Variants in IL1RAPL1 observed in about 807,000 individuals in gnomAD.
IL1RAPL1 encodes the protein interleukin-1 receptor accessory protein-like 1.
Under a neutral mutation model 48.4 loss-of-function variants are expected in IL1RAPL1, and 3 were observed. That is an observed-to-expected ratio of 0.06 (90% CI 0.03 to 0.16). The LOEUF is 0.16. Among genes scored for constraint, IL1RAPL1 ranks in the 10% least tolerant of loss-of-function variants. IL1RAPL1 has a pLI of 1.00. For missense variants in IL1RAPL1, 349 were observed against 530.6 expected (o/e 0.66, Z 3.36); for synonymous variants, 185 against 187.7 (o/e 0.99, Z 0.12).
At chrX:29,615,113 T>C (rs777378212) in intron 5 of IL1RAPL1, among the ~76,000 whole-genome samples, 25 of 112,264 alleles carry the variant, frequency 2.2e-4, no homozygotes, top group Non-Finnish European at 4.5e-4. Context: ...AGATTACAGT[T>C]TATTGTTTAA....
intron 6 of IL1RAPL1, among the ~76,000 whole-genome samples, chrX:29,683,385 G>A (rs1050195654): frequency 8.9e-6 from 1 of 112,180 alleles, no homozygotes; most frequent in African/African-American, 3.2e-5. Context: ...GTCAGCTCTC[G>A]TTCTAATGAG....
intron 2 of IL1RAPL1, among the ~76,000 whole-genome samples, chrX:28,903,207 ACTCCTG>A (rs1198731531): frequency 9.2e-6 from 1 of 109,101 alleles, no homozygotes; most frequent in Non-Finnish European, 1.9e-5. Context: ...GCAACCTCTG[ACTCCTG>A]GGTTCAAGTG....
At chrX:28,949,449 G>A (rs769814279) in intron 2 of IL1RAPL1, among the ~76,000 whole-genome samples, 18 of 111,278 alleles carry the variant, frequency 1.6e-4, no homozygotes, top group Middle Eastern at 4.6e-3. Flanking sequence ...TTATTGGAAC[G>A]CAGATATTGG....
chrX:29,101,577 G>A (rs770896975), intron 2 of IL1RAPL1, among the ~76,000 whole-genome samples: 3 of 111,698 alleles, frequency 2.7e-5, no homozygotes, highest in African/African-American at 9.7e-5. Flanking sequence ...CAATATCCCA[G>A]ATAAACATTG....
intron 6 of IL1RAPL1, among the ~76,000 whole-genome samples, chrX:29,830,887 G>T (rs1930860476): frequency 9.0e-6 from 1 of 111,560 alleles, no homozygotes; most frequent in Non-Finnish European, 1.9e-5. Context: ...GTGTTTAAAG[G>T]AGTTTCAGGC....
chrX:29,742,507 T>C (rs1928230340), intron 6 of IL1RAPL1, among the ~76,000 whole-genome samples: 1 of 110,157 alleles, frequency 9.1e-6, no homozygotes, highest in Admixed American at 9.7e-5. Flanking sequence ...CTGCTGACTG[T>C]TTTCTGCTGA....
At chrX:28,725,248 C>T (rs1273524999) in intron 1 of IL1RAPL1, among the ~76,000 whole-genome samples, 1 of 110,923 alleles carries the variant, frequency 9.0e-6, no homozygotes, top group East Asian at 2.9e-4. Context: ...CCATGCCTGG[C>T]CCTTGGTGTG....
chrX:29,000,845 T>TC (rs1925834663), intron 2 of IL1RAPL1, among the ~76,000 whole-genome samples: 1 of 109,591 alleles, frequency 9.1e-6, no homozygotes, highest in South Asian at 3.9e-4. Flanking sequence ...TTTTTTTTTT[T>TC]CCAAAAAGGA....
chrX:29,284,911 G>A (rs1003157741), intron 3 of IL1RAPL1, among the ~76,000 whole-genome samples: 6 of 111,790 alleles, frequency 5.4e-5, no homozygotes, highest in African/African-American at 1.6e-4. Flanking sequence ...AAAGAATACT[G>A]TTTGGACTAG....
Position 28,954,525 on chromosome X carries a change from C to T in IL1RAPL1, c.82+165100C>T, listed in dbSNP as rs771077083. ...ACACAATCTCATTGTCACTTCCCCACAAAATTAAAGGAAAAGCTCTCTAAA... is the reference window on the plus strand; with the variant it reads ...ACACAATCTCATTGTCACTTCCCCATAAAATTAAAGGAAAAGCTCTCTAAA... On this transcript the variant is annotated intron_variant, in intron 2 of 10. Transcript: ENST00000378993. 2.7e-5 allele frequency among the ~76,000 whole-genome samples: 3 copies of T among 110,118 alleles called. No homozygotes were observed. The South Asian group carries it at 1.2e-3, about 43-fold the overall frequency.
intron 8 of IL1RAPL1, among the ~76,000 whole-genome samples, chrX:29,927,752 C>T (rs941419108): frequency 1.8e-5 from 2 of 111,547 alleles, no homozygotes; most frequent in African/African-American, 3.3e-5. Flanking sequence ...ATGGTGAACA[C>T]GAAATACTGC....
In IL1RAPL1 at chrX:29,689,184, G is replaced by A. The variant is rs769773513; in HGVS notation, c.778+20680G>A. Among the ~76,000 whole-genome samples, 10 of 111,436 alleles carry A rather than the reference G, an allele frequency of 9.0e-5. No homozygotes were observed. The South Asian group carries it at 1.5e-3, about 17-fold the overall frequency. On this transcript the variant is annotated intron_variant, in intron 6 of 10. Coordinates refer to ENST00000378993, the MANE Select transcript of IL1RAPL1 (RefSeq NM_014271.4). Reference sequence around the variant, plus strand: ...CCAAAGTCTTCACAAATAAAATCTCGGAGATAATATATCTTTCTCCGTTAG... The same window carrying A: ...CCAAAGTCTTCACAAATAAAATCTCAGAGATAATATATCTTTCTCCGTTAG...
At chrX:29,343,076 A>G (rs1256234289) in intron 3 of IL1RAPL1, among the ~76,000 whole-genome samples, 1 of 112,462 alleles carries the variant, frequency 8.9e-6, no homozygotes, top group East Asian at 2.8e-4. Flanking sequence ...TGTCTGCAAC[A>G]AGTATTAATT....
intron 1 of IL1RAPL1, among the ~76,000 whole-genome samples, chrX:28,595,842 G>T (rs1310847259): frequency 8.9e-6 from 1 of 111,741 alleles, no homozygotes; most frequent in Non-Finnish European, 1.9e-5. Flanking sequence ...TTCTCACCAT[G>T]ACAGAACTCC....
chrX:29,803,261 GTATATATGTATACA>G (rs1569174034), intron 6 of IL1RAPL1, among the ~76,000 whole-genome samples: 13 of 31,165 alleles, frequency 4.2e-4, no homozygotes, highest in African/African-American at 6.0e-4. Flanking sequence ...ATACACACAT[GTATATATGTATACA>G]TATACACACA....
intron 1 of IL1RAPL1, among the ~76,000 whole-genome samples, chrX:28,602,478 A>G (rs774121277): frequency 3.4e-4 from 38 of 112,157 alleles, no homozygotes; most frequent in African/African-American, 1.2e-3. Flanking sequence ...TGCATTTTTT[A>G]CTCAAGAGCT....
intron 2 of IL1RAPL1, among the ~76,000 whole-genome samples, chrX:29,175,517 G>T (rs776550430): frequency 9.0e-6 from 1 of 110,920 alleles, no homozygotes; most frequent in East Asian, 2.8e-4. Context: ...AATGAGAATT[G>T]CGAGGATTTA....
At chrX:29,530,361 G>T (rs1477237742) in intron 5 of IL1RAPL1, among the ~76,000 whole-genome samples, 2 of 111,303 alleles carry the variant, frequency 1.8e-5, no homozygotes, top group African/African-American at 6.6e-5. Flanking sequence ...GATGTGGGGA[G>T]ATGAGAAAGT....
chrX:28,891,121 A>T (rs1031977726), intron 2 of IL1RAPL1, among the ~76,000 whole-genome samples: 2 of 111,873 alleles, frequency 1.8e-5, no homozygotes, highest in Non-Finnish European at 1.9e-5. Context: ...AAAGGAGAGA[A>T]AGTAGAATAG....
Sources: gnomAD v4.1 joint callset for allele counts (sites outside exome capture counted in the v4.1 genomes callset) on GRCh38, gnomAD v4.1.1 for gene constraint, MANE v1.5 for transcripts, NCBI Gene and HGNC (gene_info 2026-07-23, HGNC 2026-07-21) for gene names.